Variants in PPP1R14D observed in about 807,000 individuals in gnomAD.
The protein encoded by PPP1R14D is protein phosphatase 1 regulatory inhibitor subunit 14D, also known as protein phosphatase 1 regulatory subunit 14D.
Under a neutral mutation model 17.1 loss-of-function variants are expected in PPP1R14D, and 14 were observed. The observed-to-expected ratio is 0.82, with a 90% CI of 0.54 to 1.28. PPP1R14D has a LOEUF of 1.28. Ranked by LOEUF, PPP1R14D falls within the 50% of genes most tolerant of loss-of-function variation. The pLI, the probability that PPP1R14D is intolerant of heterozygous loss-of-function variation, is 0.00. For synonymous variants in PPP1R14D, 67 were observed against 66.1 expected (o/e 1.01, Z -0.06); for missense variants, 173 against 179.2 (o/e 0.97, Z 0.20).
intron 1 of PPP1R14D, among the ~76,000 whole-genome samples, chr15:40,825,649 C>T (rs186700311): frequency 4.6e-5 from 7 of 152,332 alleles, no homozygotes; most frequent in Non-Finnish European, 1.0e-4. Flanking sequence ...TGGGCAGGGG[C>T]TCTCCGTAAA....
At chr15:40,818,283 C>A (rs2141985458) in intron 1 of PPP1R14D, among the ~76,000 whole-genome samples, 1 of 107,906 alleles carries the variant, frequency 9.3e-6, no homozygotes. Context: ...AGCGAGACTC[C>A]ATCTCAAAAA....
At chr15:40,818,601 A>G (rs1487431126) in intron 1 of PPP1R14D, among the ~76,000 whole-genome samples, 1 of 151,674 alleles carries the variant, frequency 6.6e-6, no homozygotes, top group African/African-American at 2.4e-5. Flanking sequence ...CCTGTCTCAA[A>G]AAAAAGAAGA....
chr15:40,821,103 G>C (rs369995563), intron 1 of PPP1R14D, among the ~76,000 whole-genome samples: 2 of 151,918 alleles, frequency 1.3e-5, no homozygotes, highest in African/African-American at 2.4e-5. Context: ...TTCGGAGGCC[G>C]AGGTGGGGAT....
intron 1 of PPP1R14D, among the ~76,000 whole-genome samples, chr15:40,820,273 C>T (rs981025398): frequency 3.3e-5 from 5 of 151,834 alleles, no homozygotes; most frequent in African/African-American, 1.2e-4. Flanking sequence ...ATTCTCCTGC[C>T]TCAGCCTCCC....
chr15:40,815,812 C>A (rs77318894), intron 3 of PPP1R14D, 51 bp from the exon 4 acceptor site: 36,822 of 1,516,636 alleles, frequency 0.024, 2,108 homozygotes, highest in African/African-American at 0.22. Flanking sequence ...ATTCACCCCC[C>A]ACCCTGCCCT....
intron 1 of PPP1R14D, among the ~76,000 whole-genome samples, chr15:40,819,188 C>A (rs961899164): frequency 6.6e-6 from 1 of 152,196 alleles, no homozygotes; most frequent in African/African-American, 2.4e-5. Flanking sequence ...AACACGACTA[C>A]TAGTACAGTT....
chr15:40,819,664 A>G (rs554349243), intron 1 of PPP1R14D, among the ~76,000 whole-genome samples: 1 of 152,206 alleles, frequency 6.6e-6, no homozygotes, highest in East Asian at 1.9e-4. Context: ...TCAAGAACTG[A>G]TATGTTATCC....
At chr15:40,819,252 G>A (rs2141986010) in intron 1 of PPP1R14D, among the ~76,000 whole-genome samples, 1 of 152,256 alleles carries the variant, frequency 6.6e-6, no homozygotes, top group African/African-American at 2.4e-5. Flanking sequence ...TGCATTATCA[G>A]CACAAATGTC....
In PPP1R14D at chr15:40,828,335, C is replaced by T. The variant is rs1481095989; in HGVS notation, c.255+52G>A. The T allele has an allele frequency of 6.6e-6, 10 of 1,526,690 alleles. No homozygotes were observed. In the African/African-American group the frequency reaches 6.9e-5, roughly 11 times the overall value. The allele number at this position is 1,526,690 out of a possible 1,614,324, so 94.6% of individuals were successfully genotyped here. A position where few individuals can be genotyped will look rare whatever the true frequency, so the allele number is the denominator to read the frequency against. ...CAGCTCCTGTGAAGGTCTCAGTGCCCTGGGTGGACCCCAGGCCCCCATCTC... is the reference window on the plus strand; with the variant it reads ...CAGCTCCTGTGAAGGTCTCAGTGCCTTGGGTGGACCCCAGGCCCCCATCTC... On this transcript the variant is annotated intron_variant, in intron 1 of 3. Coordinates refer to ENST00000299174, the MANE Select transcript of PPP1R14D (RefSeq NM_017726.8).
At chr15:40,826,325 C>T (rs956854118) in intron 1 of PPP1R14D, among the ~76,000 whole-genome samples, 2 of 152,150 alleles carry the variant, frequency 1.3e-5, no homozygotes, top group African/African-American at 4.8e-5. Context: ...AATTATAGGG[C>T]CCTGCTGCTC....
chr15:40,825,848 T>G (rs1014235777), intron 1 of PPP1R14D, among the ~76,000 whole-genome samples: 1 of 152,222 alleles, frequency 6.6e-6, no homozygotes, highest in Non-Finnish European at 1.5e-5. Context: ...TTTATTCCAG[T>G]CATTGCCTGG....
At chr15:40,818,029 G>C (rs916598308) in intron 1 of PPP1R14D, among the ~76,000 whole-genome samples, 8 of 152,074 alleles carry the variant, frequency 5.3e-5, no homozygotes, top group African/African-American at 1.9e-4. Context: ...GGTGGCACAC[G>C]CCTGTAATCC....
chr15:40,822,458 CTTT>C (rs951273824), intron 1 of PPP1R14D, among the ~76,000 whole-genome samples: 1 of 145,700 alleles, frequency 6.9e-6, no homozygotes. Context: ...AGACCAGATT[CTTT>C]TTTTTTTTTG....
At position 40,828,503 on chromosome 15, in the gene PPP1R14D, T is replaced by TG; in HGVS notation, c.138dup (p.Lys47GlnfsTer16). On this transcript the variant is annotated frameshift_variant, in exon 1 of 4. Transcript: ENST00000299174. LOFTEE classifies it high-confidence loss of function. ...CTGGGTCTCCGGGACCTGGGTATCTTGGAGGAGTCCGGGTGGGACTTGGAC... is the reference window on the plus strand; with the variant it reads ...CTGGGTCTCCGGGACCTGGGTATCTTGGGAGGAGTCCGGGTGGGACTTGGAC... 1 of 1,614,140 alleles carries TG rather than the reference T, an allele frequency of 6.2e-7. No individual in the cohort carries two copies. Among genetic ancestry groups the TG allele is most frequent in the Middle Eastern group, 1.6e-4 (1 of 6,062 alleles).
In PPP1R14D at chr15:40,819,125, C is replaced by T. The variant is rs561082956; in HGVS notation, c.256-2872G>A. ...TTCTTTCTGTTATCTTTTCATTTAC[C>T]CATTTTACAGATGAAGAGGACTTTC... On this transcript the variant is annotated intron_variant, in intron 1 of 3. Coordinates refer to ENST00000299174, the MANE Select transcript of PPP1R14D (RefSeq NM_017726.8). Among the ~76,000 whole-genome samples, 7 of 152,176 alleles carry T rather than the reference C, an allele frequency of 4.6e-5. No individual in the cohort carries two copies. The South Asian group carries it at 1.0e-3, about 23-fold the overall frequency.
At chr15:40,818,873 G>A (rs115126752) in intron 1 of PPP1R14D, among the ~76,000 whole-genome samples, 11,494 of 151,890 alleles carry the variant, frequency 0.076, 1,027 homozygotes, top group African/African-American at 0.22. Flanking sequence ...AATGTTGTCA[G>A]TGTAAATTCA....
At chr15:40,817,240 C>A in intron 1 of PPP1R14D, 1 of 301,460 alleles carries the variant, frequency 3.3e-6, no homozygotes, top group Non-Finnish European at 7.1e-6. Context: ...ACCCGTAATC[C>A]CAGCTACTCC....
chr15:40,815,509 G>T lies in PPP1R14D; in HGVS notation c.*187C>A. On this transcript the variant is annotated 3_prime_UTR_variant, in exon 4 of 4. Transcript: ENST00000299174. Reference sequence around the variant, plus strand: ...CAAGGAAGGCATTGGACAACAGCCAGCTTTCTCCCAGAGAGCCCAGCTGAC... The same window carrying T: ...CAAGGAAGGCATTGGACAACAGCCATCTTTCTCCCAGAGAGCCCAGCTGAC... The T allele has an allele frequency of 2.8e-6, 2 of 721,920 alleles. No homozygotes were observed. The highest frequency in any genetic ancestry group is 4.4e-6 in the Non-Finnish European group (2 of 450,934). The allele number at this position is 721,920 out of a possible 1,614,324, so 44.7% of individuals were successfully genotyped here. A position where few individuals can be genotyped will look rare whatever the true frequency, so the allele number is the denominator to read the frequency against.
At chr15:40,817,177 T>C in intron 1 of PPP1R14D, 1 of 221,632 alleles carries the variant, frequency 4.5e-6, no homozygotes, top group Non-Finnish European at 9.9e-6. Context: ...GCCAACGTGG[T>C]AAAACCCCGT....
Sources: gnomAD v4.1 joint callset for allele counts (sites outside exome capture counted in the v4.1 genomes callset) on GRCh38, gnomAD v4.1.1 for gene constraint, MANE v1.5 for transcripts, NCBI Gene and HGNC (gene_info 2026-07-23, HGNC 2026-07-21) for gene names.